PCTP: variants seen among roughly 807,000 people sequenced by gnomAD.
The protein encoded by PCTP is START domain-containing protein 2.
PCTP carries 27 observed loss-of-function variants against 31.0 expected under a neutral mutation model. The ratio of observed to expected loss-of-function variants is 0.87; its 90% CI spans 0.64 to 1.20. PCTP has a LOEUF of 1.20. Among genes scored for constraint, PCTP ranks in the 50% most tolerant of loss-of-function variants. PCTP has a pLI of 0.00. For missense variants in PCTP, 287 were observed against 268.2 expected, an observed-to-expected ratio of 1.07 and a Z score of -0.49; for synonymous variants, 108 against 101.2, an observed-to-expected ratio of 1.07 and a Z score of -0.40.
intron 3 of PCTP, among the ~76,000 whole-genome samples, chr17:55,815,529 G>A (rs192456359): frequency 4.6e-5 from 7 of 152,198 alleles, no homozygotes; most frequent in Non-Finnish European, 7.4e-5. Flanking sequence ...TATTTATTTC[G>A]TGGGCTGCTC....
intron 3 of PCTP, among the ~76,000 whole-genome samples, chr17:55,790,852 T>G (rs1911938519): frequency 2.7e-5 from 4 of 149,726 alleles, no homozygotes; most frequent in African/African-American, 1.0e-4. Context: ...ACCAAGTCAA[T>G]CCTAAGCCAA....
chr17:55,756,893 C>T (rs192180392), intron 1 of PCTP, among the ~76,000 whole-genome samples: 29 of 152,238 alleles, frequency 1.9e-4, no homozygotes, highest in African/African-American at 6.7e-4. Flanking sequence ...GCCCACAGGA[C>T]TGGAGTGGAT....
At chr17:55,775,553 G>A in intron 5 of PCTP, 1 of 1,173,644 alleles carries the variant, frequency 8.5e-7, no homozygotes, top group Non-Finnish European at 1.1e-6. Context: ...AATGAAGATA[G>A]ATGTCTTCTA....
At chr17:55,756,920 G>A (rs762109995) in intron 1 of PCTP, among the ~76,000 whole-genome samples, 6 of 152,112 alleles carry the variant, frequency 3.9e-5, no homozygotes, top group Non-Finnish European at 5.9e-5. Context: ...TTGAAGAGTG[G>A]CCAGGGGCCA....
chr17:55,851,786 T>A, the PCTP span, among the ~76,000 whole-genome samples: 7 of 152,174 alleles, frequency 4.6e-5, no homozygotes, highest in Non-Finnish European at 1.0e-4. Context: ...CCACATATAT[T>A]TACCATCTGA....
intron 3 of PCTP, among the ~76,000 whole-genome samples, chr17:55,791,005 T>C (rs1597999686): frequency 2.6e-5 from 4 of 151,612 alleles, no homozygotes; most frequent in East Asian, 3.9e-4. Context: ...ACGCCGCATA[T>C]CTACAACTAT....
At chr17:55,838,062 G>A (rs574728057) in intron 5 of PCTP, among the ~76,000 whole-genome samples, 1 of 152,286 alleles carries the variant, frequency 6.6e-6, no homozygotes, top group South Asian at 2.1e-4. Flanking sequence ...AATCTCTTGA[G>A]CCCAGGAGAT....
intron 5 of PCTP, among the ~76,000 whole-genome samples, chr17:55,842,094 GAA>G (rs1906002237): frequency 6.6e-6 from 1 of 152,112 alleles, no homozygotes; most frequent in Non-Finnish European, 1.5e-5. Context: ...AATAAAAAAA[GAA>G]AAAGTCTTTG....
intron 5 of PCTP, among the ~76,000 whole-genome samples, chr17:55,841,908 C>A (rs920330069): frequency 1.3e-5 from 2 of 152,162 alleles, no homozygotes; most frequent in African/African-American, 2.4e-5. Flanking sequence ...TGTCTACCTA[C>A]CTCCCTCCCT....
intron 3 of PCTP, among the ~76,000 whole-genome samples, chr17:55,772,415 T>C (rs1283778830): frequency 6.6e-6 from 1 of 151,888 alleles, no homozygotes; most frequent in Non-Finnish European, 1.5e-5. Flanking sequence ...GGAGAAACCC[T>C]GTCTCTATTA....
downstream of PCTP, among the ~76,000 whole-genome samples, chr17:55,779,838 C>G (rs556639717): frequency 1.8e-4 from 28 of 152,082 alleles, no homozygotes; most frequent in Non-Finnish European, 3.5e-4. Flanking sequence ...AGTGGAACAT[C>G]AGCTTCTGAA....
At chr17:55,755,427 G>A (rs1480520264) in intron 1 of PCTP, among the ~76,000 whole-genome samples, 1 of 152,156 alleles carries the variant, frequency 6.6e-6, no homozygotes, top group Non-Finnish European at 1.5e-5. Context: ...ACTGTTACAT[G>A]TTTTTAAAAG....
chr17:55,845,526 C>G (rs946718306), downstream of PCTP, among the ~76,000 whole-genome samples: 1 of 152,218 alleles, frequency 6.6e-6, no homozygotes, highest in Non-Finnish European at 1.5e-5. Context: ...GCCGCCTCGC[C>G]TCGAGGAACG....
At chr17:55,763,075 G>GC (rs1168680040) in intron 1 of PCTP, among the ~76,000 whole-genome samples, 2 of 152,152 alleles carry the variant, frequency 1.3e-5, no homozygotes, top group Non-Finnish European at 2.9e-5. Context: ...TTCTGGAGGA[G>GC]CTTCAGGAAA....
At chr17:55,765,737 A>C (rs1441197870) in intron 1 of PCTP, among the ~76,000 whole-genome samples, 1 of 152,230 alleles carries the variant, frequency 6.6e-6, no homozygotes, top group African/African-American at 2.4e-5. Flanking sequence ...GCCATCCATT[A>C]GTTTTCCATA....
chr17:55,808,165 T>TA (rs1912635726), intron 3 of PCTP, among the ~76,000 whole-genome samples: 1 of 152,230 alleles, frequency 6.6e-6, no homozygotes, highest in African/African-American at 2.4e-5. Context: ...ACATAGCTTA[T>TA]AAATATTAGA....
rs375893027 is a variant in PCTP, at chr17:55,751,322, C to A, written c.141+78C>A. 201 of 1,514,452 alleles carry A rather than the reference C, an allele frequency of 1.3e-4. No homozygotes were observed. The East Asian group carries it at 4.6e-3, about 35-fold the overall frequency. 93.8% of individuals were successfully genotyped at this position (1,514,452 alleles called of 1,614,324 possible). A position where few individuals can be genotyped will look rare whatever the true frequency, so the allele number is the denominator to read the frequency against. On this transcript the variant is annotated intron_variant, in intron 1 of 5. Coordinates refer to ENST00000268896, the MANE Select transcript of PCTP (RefSeq NM_021213.4). ...CCTCCCCGCAGGGAGTGCGGGGCGGCAGTCGCGGAAGGGACAGGGGCGCGT... is the reference window on the plus strand; with the variant it reads ...CCTCCCCGCAGGGAGTGCGGGGCGGAAGTCGCGGAAGGGACAGGGGCGCGT...
At chr17:55,796,733 G>C (rs1286116886) in intron 3 of PCTP, among the ~76,000 whole-genome samples, 1 of 151,894 alleles carries the variant, frequency 6.6e-6, no homozygotes, top group Non-Finnish European at 1.5e-5. Context: ...TAGAATAGAG[G>C]ATGACTTTCT....
intron 3 of PCTP, among the ~76,000 whole-genome samples, chr17:55,815,604 G>A (rs964585547): frequency 1.3e-5 from 2 of 152,120 alleles, no homozygotes; most frequent in Non-Finnish European, 2.9e-5. Flanking sequence ...GGTGCTCTTC[G>A]GTAAAATTGT....
Sources: allele counts gnomAD v4.1 joint callset (sites outside exome capture counted in the v4.1 genomes callset), GRCh38; gene constraint gnomAD v4.1.1; transcripts MANE v1.5; gene names NCBI Gene and HGNC (gene_info 2026-07-23, HGNC 2026-07-21).